Variants in TENM4 observed in about 807,000 individuals in gnomAD.
TENM4 encodes the protein teneurin-4.
A neutral mutation model predicts 243.3 loss-of-function variants in TENM4; 82 were observed. The observed-to-expected ratio is 0.34, with a 90% CI of 0.28 to 0.40. The LOEUF (loss-of-function observed/expected upper bound fraction) is 0.40, where lower values mean the gene tolerates loss of function less well. Ranked by LOEUF, TENM4 falls within the 10% of genes least tolerant of loss-of-function variation. The pLI, the probability that TENM4 is intolerant of heterozygous loss-of-function variation, is 1.00. For synonymous variants in TENM4, 1,412 were observed against 1,456.3 expected (o/e 0.97, Z 0.69); for missense variants, 3,138 against 3,673.3 (o/e 0.85, Z 3.77).
intron 6 of TENM4, among the ~76,000 whole-genome samples, chr11:78,918,684 C>T (rs553290689): frequency 1.0e-3 from 84 of 83,236 alleles, no homozygotes; most frequent in African/African-American, 3.6e-3. Flanking sequence ...ATCTCCAGGC[C>T]TGGCATCCTG....
intron 22 of TENM4, among the ~76,000 whole-genome samples, chr11:78,726,913 G>A (rs900872839): frequency 2.0e-5 from 3 of 152,084 alleles, no homozygotes; most frequent in East Asian, 1.9e-4. Context: ...ACACGAGAAC[G>A]GACTAATATA....
chr11:78,656,993 G>A lies in TENM4; in HGVS notation c.*1065C>T, dbSNP rs929788708. 2 of 398,500 alleles carry A rather than the reference G, an allele frequency of 5.0e-6. No individual in the cohort carries two copies. The highest frequency in any genetic ancestry group is 4.1e-5 in the African/African-American group (2 of 48,620). 24.7% of individuals were successfully genotyped at this position (398,500 alleles called of 1,614,324 possible). A position where few individuals can be genotyped will look rare whatever the true frequency, so the allele number is the denominator to read the frequency against. Reference sequence around the variant, plus strand: ...CCCTCCACATTCCTACGTCTCAGTGGTGGCGGCTGAGTGGTGGAGGGAAGA... The same window carrying A: ...CCCTCCACATTCCTACGTCTCAGTGATGGCGGCTGAGTGGTGGAGGGAAGA... On this transcript the variant is annotated 3_prime_UTR_variant, in exon 34 of 34. Transcript: ENST00000278550.
chr11:79,100,905 C>A, intron 4 of TENM4, among the ~76,000 whole-genome samples: 1 of 152,148 alleles, frequency 6.6e-6, no homozygotes. Context: ...TTCTCCAGGC[C>A]CTTTCCCATC....
intron 27 of TENM4, among the ~76,000 whole-genome samples, chr11:78,705,831 G>A (rs1156660870): frequency 6.6e-6 from 1 of 152,138 alleles, no homozygotes; most frequent in South Asian, 2.1e-4. Context: ...CTTAAACACT[G>A]AACATCTTTC....
chr11:79,150,711 A>C (rs1399437124), intron 3 of TENM4, among the ~76,000 whole-genome samples: 3 of 152,196 alleles, frequency 2.0e-5, no homozygotes, highest in Non-Finnish European at 4.4e-5. Flanking sequence ...CCATATCAGC[A>C]ACACCAGTTT....
At position 79,131,249 on chromosome 11, in the gene TENM4, G is replaced by A. The variant is rs187237781; in HGVS notation, c.-66+17461C>T. Among the ~76,000 whole-genome samples, 418 of 152,208 alleles carry A rather than the reference G, an allele frequency of 2.7e-3. 1 individual carries two copies. In the Middle Eastern group the frequency reaches 0.037, roughly 14 times the overall value. ...TCATCGGGTTATCCAAAGTTAAGAC[G>A]AAGGAAAGAATCTTAAGAGCTGTGA... On this transcript the variant is annotated intron_variant, in intron 4 of 33. Transcript: ENST00000278550.
At chr11:78,902,901 G>T (rs533287744) in intron 7 of TENM4, among the ~76,000 whole-genome samples, 1 of 151,908 alleles carries the variant, frequency 6.6e-6, no homozygotes, top group Non-Finnish European at 1.5e-5. Flanking sequence ...GCCTGCTGTT[G>T]GTCACACATC....
intron 3 of TENM4, among the ~76,000 whole-genome samples, chr11:79,207,366 G>T (rs111757214): frequency 6.6e-6 from 1 of 152,190 alleles, no homozygotes; most frequent in Non-Finnish European, 1.5e-5. Flanking sequence ...TGTCCCAAGT[G>T]CTTTATGTGT....
At chr11:79,004,382 C>T (rs143955601) in intron 6 of TENM4, among the ~76,000 whole-genome samples, 25 of 152,100 alleles carry the variant, frequency 1.6e-4, no homozygotes, top group African/African-American at 5.1e-4. Flanking sequence ...ATCGACTACA[C>T]AATCATCGGC....
intron 6 of TENM4, among the ~76,000 whole-genome samples, chr11:78,978,999 T>C (rs1857730501): frequency 6.6e-6 from 1 of 152,062 alleles, no homozygotes. Flanking sequence ...TTGGATTTCA[T>C]GGGATTGGGG....
At chr11:79,152,686 G>A (rs978536945) in intron 3 of TENM4, among the ~76,000 whole-genome samples, 1 of 152,226 alleles carries the variant, frequency 6.6e-6, no homozygotes, top group Non-Finnish European at 1.5e-5. Flanking sequence ...ATGCCACAGT[G>A]TTTGTGCTGG....
chr11:79,259,501 G>GCATC (rs148800752), intron 2 of TENM4, among the ~76,000 whole-genome samples: 2,113 of 148,350 alleles, frequency 0.014, 61 homozygotes, highest in African/African-American at 0.048. Context: ...ATCTATCCAT[G>GCATC]CATCCATCCA....
intron 18 of TENM4, 56 bp downstream of exon 18, chr11:78,770,936 C>T: frequency 6.5e-7 from 1 of 1,547,764 alleles, no homozygotes; most frequent in Non-Finnish European, 8.7e-7. Flanking sequence ...CCATTCTCCA[C>T]TCTGGGCCTC....
chr11:78,949,309 T>C (rs1283620638), intron 6 of TENM4, among the ~76,000 whole-genome samples: 1 of 152,194 alleles, frequency 6.6e-6, no homozygotes, highest in Non-Finnish European at 1.5e-5. Context: ...CACTGTCTTA[T>C]ATATGTCAGT....
At chr11:79,333,128 A>G (rs1257389299) in intron 1 of TENM4, among the ~76,000 whole-genome samples, 1 of 152,150 alleles carries the variant, frequency 6.6e-6, no homozygotes, top group African/African-American at 2.4e-5. Context: ...CCCCATTTGC[A>G]AAGATGTTCG....
chr11:78,781,513 C>G (rs1199932424), intron 16 of TENM4, among the ~76,000 whole-genome samples: 1 of 152,184 alleles, frequency 6.6e-6, no homozygotes, highest in East Asian at 1.9e-4. Flanking sequence ...TTTGGCCTTT[C>G]TCTGATCACC....
chr11:79,405,863 A>C lies in TENM4; in HGVS notation c.-321+34646T>G, dbSNP rs1315296079. ...TTGTGATTTCAAAAAAAAAAAAAAA[A>C]AAAAAAAACAACTAGCTCCTAGATG... On this transcript the variant is annotated intron_variant, in intron 1 of 33. Transcript: ENST00000278550. Among the ~76,000 whole-genome samples, 9 of 150,980 alleles carry C rather than the reference A, an allele frequency of 6.0e-5. No individual in the cohort carries two copies. In the South Asian group the frequency reaches 6.3e-4, roughly 11 times the overall value.
chr11:79,309,526 T>A (rs765329667), intron 1 of TENM4, among the ~76,000 whole-genome samples: 8 of 152,242 alleles, frequency 5.3e-5, no homozygotes, highest in South Asian at 2.1e-4. Context: ...ATCGTGCTCA[T>A]AGCACATCAA....
At chr11:78,782,855 T>C (rs1361341991) in intron 16 of TENM4, among the ~76,000 whole-genome samples, 1 of 152,084 alleles carries the variant, frequency 6.6e-6, no homozygotes, top group Non-Finnish European at 1.5e-5. Context: ...CTGGTTTTAC[T>C]CACACAAGTA....
Sources: gnomAD v4.1 joint callset for allele counts (sites outside exome capture counted in the v4.1 genomes callset) on GRCh38, gnomAD v4.1.1 for gene constraint, MANE v1.5 for transcripts, NCBI Gene and HGNC (gene_info 2026-07-23, HGNC 2026-07-21) for gene names.